Variants in VRK2 observed in about 807,000 individuals in gnomAD.
The protein encoded by VRK2 is VRK serine/threonine kinase 2.
In VRK2, 60 loss-of-function variants were observed where a neutral mutation model predicts 57.6. The observed-to-expected ratio is 1.04, with a 90% CI of 0.85 to 1.29. The LOEUF is 1.29. VRK2 is among the 50% of genes most tolerant of loss of function. The probability of loss-of-function intolerance (pLI) is 0.00; values close to 1 mark genes in which losing one functional copy is unlikely to be tolerated. For missense variants in VRK2, 705 were observed against 588.1 expected (o/e 1.20, Z -2.06); for synonymous variants, 231 against 199.2 (o/e 1.16, Z -1.35).
intron 2 of VRK2, among the ~76,000 whole-genome samples, chr2:58,057,350 T>A (rs1360958708): frequency 6.6e-6 from 1 of 152,188 alleles, no homozygotes; most frequent in Non-Finnish European, 1.5e-5. Context: ...TAAAAGTATG[T>A]GTTTATTCTC....
chr2:58,039,755 G>C (rs116243642), intron 3 of VRK2, among the ~76,000 whole-genome samples: 2 of 151,760 alleles, frequency 1.3e-5, no homozygotes, highest in Admixed American at 6.6e-5. Context: ...AACCTTTTAC[G>C]GGATAAAAAA....
At position 58,086,459 on chromosome 2, in the gene VRK2, TTATAAC is replaced by T. The variant is rs141331612; in HGVS notation, c.344+37_344+42del. On this transcript the variant is annotated intron_variant, in intron 5 of 12. Transcript: ENST00000340157. ...GGAATTATTATAATCAAATATTTCT[TTATAAC>T]TATTCCTTATGTGGTCTATGAGTTA... is the stretch of plus-strand genomic sequence containing the variant. The T allele has an allele frequency of 1.1e-3, 1,760 of 1,532,134 alleles. 19 individuals are homozygous for T. The African/African-American group carries it at 0.021, about 19-fold the overall frequency. The allele number at this position is 1,532,134 out of a possible 1,614,324, so 94.9% of individuals were successfully genotyped here. A position where few individuals can be genotyped will look rare whatever the true frequency, so the allele number is the denominator to read the frequency against.
At chr2:58,043,839 A>T (rs1468994064), upstream of VRK2, among the ~76,000 whole-genome samples, 5 of 152,244 alleles carry the variant, frequency 3.3e-5, no homozygotes, top group Non-Finnish European at 1.5e-5. Flanking sequence ...CATCAACAGC[A>T]ATATAAGAGA....
intron 1 of VRK2, among the ~76,000 whole-genome samples, chr2:57,914,037 C>A (rs184456582): frequency 1.3e-5 from 2 of 151,864 alleles, no homozygotes; most frequent in South Asian, 4.1e-4. Context: ...AGAGAAAAAA[C>A]GTCAACTTTT....
intron 10 of VRK2, among the ~76,000 whole-genome samples, chr2:58,137,214 A>ACATGTAT (rs1573341908): frequency 1.7e-4 from 9 of 52,644 alleles, no homozygotes; most frequent in East Asian, 1.1e-3. Context: ...CATATATGAT[A>ACATGTAT]CATATATATC....
intron 1 of VRK2, among the ~76,000 whole-genome samples, chr2:58,016,304 T>C (rs987952479): frequency 6.6e-6 from 1 of 152,120 alleles, no homozygotes; most frequent in African/African-American, 2.4e-5. Flanking sequence ...TATACACTCT[T>C]GCAGAATGTC....
intron 12 of VRK2, 147 bp downstream of exon 12, chr2:58,146,621 T>A: frequency 1.1e-6 from 1 of 949,592 alleles, no homozygotes; most frequent in Non-Finnish European, 1.5e-6. Context: ...CCTAGCCAGC[T>A]GATAAAATTA....
intron 1 of VRK2, among the ~76,000 whole-genome samples, chr2:58,010,405 A>G (rs1673384128): frequency 6.6e-6 from 1 of 151,668 alleles, no homozygotes; most frequent in Non-Finnish European, 1.5e-5. Context: ...CCAACTCCCT[A>G]TTTTTTTTCT....
chr2:58,141,176 C>T (rs2104616391), intron 11 of VRK2, among the ~76,000 whole-genome samples: 1 of 152,082 alleles, frequency 6.6e-6, no homozygotes, highest in East Asian at 1.9e-4. Context: ...AACAAAGAGC[C>T]ATTTCCTTGA....
In VRK2 at chr2:58,023,916, A is replaced by G. The variant is rs552717455; in HGVS notation, c.-438-1749A>G. ...CTAAATATAGAGATTTACTAAAAAA[A>G]GGAAAGAAGTTTGTAATCACACAAT... On this transcript the variant is annotated intron_variant, in intron 1 of 15. Transcript: ENST00000417641. Among the ~76,000 whole-genome samples the G allele has an allele frequency of 2.6e-5, 4 of 152,324 alleles. No homozygotes were observed. The South Asian group carries it at 8.3e-4, about 32-fold the overall frequency.
In VRK2 at chr2:58,030,205, C is replaced by T. The variant is rs377414025; in HGVS notation, c.-332-3022C>T. Among the ~76,000 whole-genome samples, 26 of 152,164 alleles carry T rather than the reference C, an allele frequency of 1.7e-4. No homozygotes were observed. The East Asian group carries it at 4.1e-3, about 24-fold the overall frequency. On this transcript the variant is annotated intron_variant, in intron 2 of 15. Transcript: ENST00000417641. The stretch of plus-strand genomic sequence containing the variant: ...CAATTAATATGCACACATATTGCTG[C>T]TTTTTCCTCAGATCTAATAAGTTTA...
intron 1 of VRK2, among the ~76,000 whole-genome samples, chr2:57,958,016 G>A (rs1438775246): frequency 6.6e-6 from 1 of 152,130 alleles, no homozygotes; most frequent in Non-Finnish European, 1.5e-5. Flanking sequence ...CACTGACTGT[G>A]TCCATGAGAC....
intron 7 of VRK2, among the ~76,000 whole-genome samples, chr2:58,093,810 A>T (rs1374318359): frequency 6.6e-6 from 1 of 152,180 alleles, no homozygotes; most frequent in East Asian, 1.9e-4. Context: ...CTAACATTTA[A>T]GTCTTTAATC....
intron 8 of VRK2, among the ~76,000 whole-genome samples, 191 bp downstream of exon 8, chr2:58,123,424 CTG>C (rs1244678372): frequency 6.6e-6 from 1 of 152,134 alleles, no homozygotes; most frequent in African/African-American, 2.4e-5. Flanking sequence ...GAAATTTAGA[CTG>C]TGACAAGTGG....
At chr2:57,945,472 T>G (rs1671233556) in intron 1 of VRK2, among the ~76,000 whole-genome samples, 1 of 152,214 alleles carries the variant, frequency 6.6e-6, no homozygotes, top group Non-Finnish European at 1.5e-5. Flanking sequence ...AATTGTTGTT[T>G]CCTGCCAATC....
At chr2:58,073,442 T>C (rs1232255243) in intron 2 of VRK2, among the ~76,000 whole-genome samples, 1 of 151,966 alleles carries the variant, frequency 6.6e-6, no homozygotes, top group Non-Finnish European at 1.5e-5. Flanking sequence ...TGTCTGTTTT[T>C]CCTTCCAGTT....
At chr2:57,939,567 A>C (rs568379352) in intron 1 of VRK2, among the ~76,000 whole-genome samples, 1 of 151,974 alleles carries the variant, frequency 6.6e-6, no homozygotes, top group East Asian at 1.9e-4. Flanking sequence ...TTTGGTTTAT[A>C]TGTTTTTTTC....
intron 2 of VRK2, among the ~76,000 whole-genome samples, chr2:58,052,113 A>T (rs1675832289): frequency 6.6e-6 from 1 of 152,240 alleles, no homozygotes; most frequent in Admixed American, 6.5e-5. Context: ...AGGTTTTGGC[A>T]TTAGGCATAT....
intron 7 of VRK2, among the ~76,000 whole-genome samples, chr2:58,104,683 T>C (rs1674491136): frequency 6.6e-6 from 1 of 151,866 alleles, no homozygotes; most frequent in Non-Finnish European, 1.5e-5. Context: ...ACAAGCATCA[T>C]TTTTCACAGA....
Sources: allele counts gnomAD v4.1 joint callset (sites outside exome capture counted in the v4.1 genomes callset), GRCh38; gene constraint gnomAD v4.1.1; transcripts MANE v1.5; gene names NCBI Gene and HGNC (gene_info 2026-07-23, HGNC 2026-07-21).